The following MANBA variants were observed in gnomAD, a reference collection of about 807,000 sequenced individuals.
MANBA encodes beta-mannosidase.
MANBA carries 83 observed loss-of-function variants against 111.1 expected under a neutral mutation model. The ratio of observed to expected loss-of-function variants is 0.75; its 90% CI spans 0.63 to 0.90. The LOEUF is 0.90. Among genes scored for constraint, MANBA ranks in the 40% least tolerant of loss-of-function variants. The pLI is 0.00. For synonymous variants in MANBA, 370 were observed against 378.7 expected, an observed-to-expected ratio of 0.98 and a Z score of 0.27; for missense variants, 1,036 against 1,069.0, an observed-to-expected ratio of 0.97 and a Z score of 0.43.
intron 9 of MANBA, among the ~76,000 whole-genome samples, chr4:102,670,657 A>T (rs918723639): frequency 3.9e-5 from 6 of 152,302 alleles, no homozygotes; most frequent in Non-Finnish European, 8.8e-5. Context: ...CAGCCTGGAC[A>T]ACACGGTGAA....
At chr4:102,704,690 AC>A (rs1398756030) in intron 5 of MANBA, among the ~76,000 whole-genome samples, 1 of 152,064 alleles carries the variant, frequency 6.6e-6, no homozygotes, top group Admixed American at 6.5e-5. Context: ...CAATGTTTAA[AC>A]GTCTATTGAT....
intron 9 of MANBA, among the ~76,000 whole-genome samples, chr4:102,669,776 C>T (rs777309312): frequency 1.8e-4 from 28 of 152,196 alleles, no homozygotes; most frequent in African/African-American, 2.9e-4. Flanking sequence ...GTCAGGAGAT[C>T]GAGACCATCC....
At chr4:102,644,878 ATTTT>A (rs994982473) in intron 13 of MANBA, among the ~76,000 whole-genome samples, 3 of 152,022 alleles carry the variant, frequency 2.0e-5, no homozygotes, top group African/African-American at 7.2e-5. Flanking sequence ...ACAAATATAT[ATTTT>A]TAATTTATCA....
intron 1 of MANBA, among the ~76,000 whole-genome samples, chr4:102,733,723 GT>G (rs1317121535): frequency 6.6e-6 from 1 of 152,070 alleles, no homozygotes; most frequent in Non-Finnish European, 1.5e-5. Flanking sequence ...TAATCAATCA[GT>G]TTTTTTCCTA....
rs1388284940 is a variant in MANBA at position 102,720,601 on chromosome 4, T to C, written c.549+2270A>G. On this transcript the variant is annotated intron_variant, in intron 4 of 16. Coordinates refer to ENST00000647097, the MANE Select transcript of MANBA (RefSeq NM_005908.4). ...GCCTGGGCAACAGAGTCAGACTTCA[T>C]CTCAAAAAAAAAAAAGGAAGGGGAG... Among the ~76,000 whole-genome samples, 4 of 148,006 alleles carry C rather than the reference T, an allele frequency of 2.7e-5. No homozygotes were observed. The South Asian group carries it at 6.4e-4, about 24-fold the overall frequency.
At chr4:102,654,994 T>C (rs942827634) in intron 12 of MANBA, among the ~76,000 whole-genome samples, 1 of 152,214 alleles carries the variant, frequency 6.6e-6, no homozygotes, top group African/African-American at 2.4e-5. Context: ...ATCAGCCACT[T>C]TGTAGGATTC....
chr4:102,760,696 G>C, intron 1 of MANBA, 22 bp downstream of exon 1: 1 of 1,513,890 alleles, frequency 6.6e-7, no homozygotes, highest in Non-Finnish European at 8.9e-7. Context: ...CAGGCTCGCC[G>C]CGGGTCGGCC....
chr4:102,709,972 T>C (rs1215443089), intron 5 of MANBA, among the ~76,000 whole-genome samples: 1 of 152,114 alleles, frequency 6.6e-6, no homozygotes, highest in Non-Finnish European at 1.5e-5. Flanking sequence ...CCCTTCATGA[T>C]AAAAACTATC....
At chr4:102,650,814 T>C (rs1730301119) in intron 12 of MANBA, 113 bp from the exon 13 acceptor site, 1 of 822,456 alleles carries the variant, frequency 1.2e-6, no homozygotes, top group East Asian at 2.7e-5. Context: ...GACCTTGAGG[T>C]TTGTTCTGTG....
chr4:102,665,809 T>C, intron 10 of MANBA: 1 of 152,238 alleles, frequency 6.6e-6, no homozygotes. Context: ...CATTGATATT[T>C]ATAGGTTCAC....
At chr4:102,655,744 T>C (rs1413680181) in intron 12 of MANBA, among the ~76,000 whole-genome samples, 1 of 152,124 alleles carries the variant, frequency 6.6e-6, no homozygotes, top group African/African-American at 2.4e-5. Context: ...GGTGAGGCAA[T>C]GATTTCTCAG....
chr4:102,729,097 G>C lies in MANBA; in HGVS notation c.178-2414C>G, dbSNP rs1722924348. The C allele has an allele frequency of 4.0e-6, 3 of 750,312 alleles. No individual in the cohort carries two copies. The South Asian group carries it at 4.0e-5, about 10-fold the overall frequency. The allele number at this position is 750,312 out of a possible 1,614,324, so 46.5% of individuals were successfully genotyped here. ...CCATGTCCTGCTTGGCCTGCTGCAGGGCGGCCTCCAGCTTGGACAGCTTGG... is the reference window on the plus strand; with the variant it reads ...CCATGTCCTGCTTGGCCTGCTGCAGCGCGGCCTCCAGCTTGGACAGCTTGG... On this transcript the variant is annotated intron_variant, in intron 1 of 16. Coordinates refer to ENST00000647097, the MANE Select transcript of MANBA (RefSeq NM_005908.4).
intron 14 of MANBA, 136 bp downstream of exon 14, chr4:102,639,577 A>C: frequency 8.4e-7 from 1 of 1,189,852 alleles, no homozygotes; most frequent in Non-Finnish European, 1.2e-6. Context: ...GTTCCTAGGC[A>C]GGCTTTTTAA....
chr4:102,689,478 A>G (rs1732379503), intron 7 of MANBA, 96 bp downstream of exon 7: 2 of 766,288 alleles, frequency 2.6e-6, no homozygotes, highest in Non-Finnish European at 4.3e-6. Flanking sequence ...GGGACACAAG[A>G]GTTTTGACGG....
intron 11 of MANBA, among the ~76,000 whole-genome samples, chr4:102,658,501 G>A (rs1730681655): frequency 1.3e-5 from 2 of 152,222 alleles, no homozygotes; most frequent in Admixed American, 1.3e-4. Context: ...ATTATTTGTG[G>A]ACAGGTCTAA....
chr4:102,737,056 C>T lies in MANBA; in HGVS notation c.178-10373G>A, dbSNP rs149450185. Among the ~76,000 whole-genome samples the T allele has an allele frequency of 1.4e-3, 206 of 152,166 alleles. No homozygotes were observed. The Middle Eastern group carries it at 0.017, about 13-fold the overall frequency. On this transcript the variant is annotated intron_variant, in intron 1 of 16. Transcript: ENST00000647097. ...CCGAGAAAAGAAGCACCGGAAAGAGCGAGTCCCCAGCTTGAGTCCAGGGAA... is the reference window on the plus strand; with the variant it reads ...CCGAGAAAAGAAGCACCGGAAAGAGTGAGTCCCCAGCTTGAGTCCAGGGAA...
chr4:102,714,340 TA>T, intron 5 of MANBA, 97 bp downstream of exon 5: 2 of 1,229,654 alleles, frequency 1.6e-6, no homozygotes, highest in Non-Finnish European at 2.3e-6. Context: ...TTAAAAATTC[TA>T]AATCTCTGAA....
chr4:102,737,838 C>T (rs1454158123), intron 1 of MANBA, among the ~76,000 whole-genome samples: 1 of 152,174 alleles, frequency 6.6e-6, no homozygotes. Context: ...GCAGCAGAGG[C>T]AATCATAATC....
chr4:102,727,512 G>A, intron 1 of MANBA: 2 of 1,551,290 alleles, frequency 1.3e-6, no homozygotes, highest in Non-Finnish European at 1.8e-6. Flanking sequence ...CATCATTATT[G>A]GGGATGAGGG....
Sources: gnomAD v4.1 joint callset for allele counts (sites outside exome capture counted in the v4.1 genomes callset) on GRCh38, gnomAD v4.1.1 for gene constraint, MANE v1.5 for transcripts, NCBI Gene and HGNC (gene_info 2026-07-23, HGNC 2026-07-21) for gene names.